The following ZFYVE28 variants were observed in gnomAD, a reference collection of about 807,000 sequenced individuals.
ZFYVE28 encodes the protein lateral signaling target protein 2 homolog.
ZFYVE28 carries 40 observed loss-of-function variants against 82.1 expected under a neutral mutation model. That is an observed-to-expected ratio of 0.49 (90% CI 0.38 to 0.63). ZFYVE28 has a LOEUF of 0.63. Ranked by LOEUF, ZFYVE28 falls within the 30% of genes least tolerant of loss-of-function variation. The pLI is 0.00. For missense variants in ZFYVE28, 1,321 were observed against 1,242.1 expected (o/e 1.06, Z -0.96); for synonymous variants, 612 against 546.1 (o/e 1.12, Z -1.68).
rs767692673 is a variant in ZFYVE28, at chr4:2,394,046, G to C, written c.39+24239C>G. ...TTTCCAGCTTGCACAGCTACTTCCC[G>C]ACGCACGGCCGCCTCCCGGACCTTC... On this transcript the variant is annotated intron_variant, in intron 1 of 12. Transcript: ENST00000290974. This position sits in a 1 kb window ranked among gnomAD's most constrained non-coding sequence, Gnocchi z 4.0. Among the ~76,000 whole-genome samples the C allele has an allele frequency of 9.9e-5, 15 of 152,206 alleles. No individual in the cohort carries two copies. Among genetic ancestry groups the C allele is most frequent in the South Asian group, 6.2e-4 (3 of 4,816 alleles).
intron 8 of ZFYVE28, chr4:2,285,632 T>A (rs1469631199): frequency 1.3e-5 from 2 of 152,288 alleles, no homozygotes; most frequent in African/African-American, 4.8e-5. Flanking sequence ...AGCCCCTGGG[T>A]TGAGCACAGG....
Position 2,358,296 on chromosome 4 carries a change from C to T in ZFYVE28, c.40-4223G>A, listed in dbSNP as rs184846074. On this transcript the variant is annotated intron_variant, in intron 1 of 12. Transcript: ENST00000290974. ...ATATGTGCAGGCATGGATGTGCATG[C>T]GTGTGTGCATGTGAGACCAGTGCAG... is the stretch of plus-strand genomic sequence containing the variant. 1.4e-3 allele frequency among the ~76,000 whole-genome samples: 218 copies of T among 152,266 alleles called. 1 individual carries two copies. Among genetic ancestry groups the T allele is most frequent in the African/African-American group, 4.3e-3 (180 of 41,536 alleles).
In ZFYVE28 at chr4:2,273,273, C is replaced by T. The variant is rs545268974; in HGVS notation, c.2223G>A (p.Leu741=). 8 of 1,612,314 alleles carry T rather than the reference C, an allele frequency of 5.0e-6. No individual in the cohort carries two copies. The South Asian group carries it at 8.8e-5, about 18-fold the overall frequency. The part of the protein sequence containing the change: ...FVCISGVADQ[L]QTNYASDLRS... ...TCAGGTCACTGGCATAGTTCGTCTG[C>T]AGCTGGTCAGCCACACCTGAGGAAG... Residue 741 remains leucine (L), a synonymous_variant, in exon 10 of 13, where the codon CTG becomes CTA. Transcript: ENST00000290974.
intron 1 of ZFYVE28, among the ~76,000 whole-genome samples, chr4:2,359,483 C>T (rs1725813779): frequency 6.6e-6 from 1 of 152,124 alleles, no homozygotes; most frequent in African/African-American, 2.4e-5. Context: ...AGGGCGGGCC[C>T]TAATCCAATA....
At chr4:2,276,454 A>G (rs1736454954) in intron 8 of ZFYVE28, among the ~76,000 whole-genome samples, 1 of 152,060 alleles carries the variant, frequency 6.6e-6, no homozygotes, top group African/African-American at 2.4e-5. Flanking sequence ...TCCACTCGGT[A>G]CCCCCAGCCT....
At chr4:2,384,994 G>A (rs1729102110) in intron 1 of ZFYVE28, among the ~76,000 whole-genome samples, 1 of 152,140 alleles carries the variant, frequency 6.6e-6, no homozygotes. Flanking sequence ...ACACCCTCAA[G>A]GAGTGCAGCA....
intron 1 of ZFYVE28, among the ~76,000 whole-genome samples, chr4:2,377,687 T>C (rs1728304870): frequency 6.6e-6 from 1 of 152,216 alleles, no homozygotes; most frequent in African/African-American, 2.4e-5. Flanking sequence ...CTTTTTCCAT[T>C]TCTCGTAGTT....
At chr4:2,327,887 T>C (rs1720114642) in intron 6 of ZFYVE28, among the ~76,000 whole-genome samples, 1 of 152,214 alleles carries the variant, frequency 6.6e-6, no homozygotes, top group South Asian at 2.1e-4. Context: ...CTGAATATCT[T>C]TTATCAAGAA....
intron 6 of ZFYVE28, chr4:2,330,859 G>A (rs977774032): frequency 1.4e-5 from 22 of 1,535,090 alleles, no homozygotes; most frequent in Non-Finnish European, 1.9e-5. Flanking sequence ...GGGGAGAGAG[G>A]ACTGGTGTGG....
In ZFYVE28 at chr4:2,339,310, C is replaced by A. The variant is rs1455676238; in HGVS notation, c.521+143G>T. 3 of 890,532 alleles carry A rather than the reference C, an allele frequency of 3.4e-6. No homozygotes were observed. The highest frequency in any genetic ancestry group is 2.4e-5 in the Admixed American group (1 of 40,954). The allele number at this position is 890,532 out of a possible 1,614,324, so 55.2% of individuals were successfully genotyped here. The stretch of plus-strand genomic sequence containing the variant: ...CCACGCTATGCTCTCCAGGGCTTAA[C>A]CCCACCCACAGGCGGCCCTGAACCT... On this transcript the variant is annotated intron_variant, in intron 4 of 12. Coordinates refer to ENST00000290974, the MANE Select transcript of ZFYVE28 (RefSeq NM_020972.3). The surrounding 1 kb of genome is among the most constrained non-coding windows in gnomAD (Gnocchi z 5.0).
intron 1 of ZFYVE28, among the ~76,000 whole-genome samples, chr4:2,389,436 A>T (rs1438338831): frequency 6.6e-6 from 1 of 152,140 alleles, no homozygotes; most frequent in Admixed American, 6.5e-5. Flanking sequence ...TGTCCACCAC[A>T]TGAGGAGGCT....
intron 1 of ZFYVE28, among the ~76,000 whole-genome samples, chr4:2,380,774 T>C (rs1346652273): frequency 1.3e-5 from 2 of 152,220 alleles, no homozygotes; most frequent in Admixed American, 6.5e-5. Flanking sequence ...TCCTCATTTT[T>C]CTCTTGCCAC....
At chr4:2,397,600 G>T (rs1028599009) in intron 1 of ZFYVE28, among the ~76,000 whole-genome samples, 3 of 151,728 alleles carry the variant, frequency 2.0e-5, no homozygotes, top group Admixed American at 6.6e-5. Context: ...CCCTCCCCTG[G>T]CCCCCACCAG....
chr4:2,350,539 C>T lies in ZFYVE28; in HGVS notation c.180+3394G>A, dbSNP rs536451483. ...GGTCATCTTCCCATTTCCTGACATA[C>T]AGCTCCTAAAAAGCCTTGGACTCTC... On this transcript the variant is annotated intron_variant, in intron 2 of 12. Coordinates refer to ENST00000290974, the MANE Select transcript of ZFYVE28 (RefSeq NM_020972.3). Among the ~76,000 whole-genome samples, 51 of 152,192 alleles carry T rather than the reference C, an allele frequency of 3.4e-4. No homozygotes were observed. The South Asian group carries it at 0.011, about 32-fold the overall frequency.
rs537053824 is a variant in ZFYVE28, at chr4:2,412,846, G to C, written c.39+5439C>G. Among the ~76,000 whole-genome samples the C allele has an allele frequency of 7.9e-5, 12 of 152,272 alleles. No homozygotes were observed. The East Asian group carries it at 2.3e-3, about 29-fold the overall frequency. On this transcript the variant is annotated intron_variant, in intron 1 of 12. Coordinates refer to ENST00000290974, the MANE Select transcript of ZFYVE28 (RefSeq NM_020972.3). ...TTAAATTAGCCATCTCTCCTCTTAA[G>C]GTCGAACAAAATGACCTAAAGACAC...
rs1236547916 is a variant in ZFYVE28 at position 2,416,904 on chromosome 4, G to A, written c.39+1381C>T. On this transcript the variant is annotated intron_variant, in intron 1 of 12. Transcript: ENST00000290974. The surrounding 1 kb of genome is among the most constrained non-coding windows in gnomAD (Gnocchi z 4.6). ...CCGGCAACGACAAACAGAATTCCCC[G>A]ACCTCAAAGGCCGTGAAGCACGCGC... is the stretch of plus-strand genomic sequence containing the variant. Among the ~76,000 whole-genome samples, 3 of 151,494 alleles carry A rather than the reference G, an allele frequency of 2.0e-5. No individual in the cohort carries two copies. Among genetic ancestry groups the A allele is most frequent in the East Asian group, 1.9e-4 (1 of 5,144 alleles).
At chr4:2,283,068 G>A (rs1577888105) in intron 8 of ZFYVE28, among the ~76,000 whole-genome samples, 2 of 148,412 alleles carry the variant, frequency 1.3e-5, no homozygotes, top group African/African-American at 2.6e-5. Context: ...GGGCCCTGAC[G>A]CAAATGGTGG....
In ZFYVE28 at chr4:2,416,917, G is replaced by GTGAAGCACGCGCCCTTCGGGGCCC. The variant is rs1733109077; in HGVS notation, c.39+1344_39+1367dup. Among the ~76,000 whole-genome samples the GTGAAGCACGCGCCCTTCGGGGCCC allele has an allele frequency of 6.6e-6, 1 of 152,144 alleles. No homozygotes were observed. Among genetic ancestry groups the GTGAAGCACGCGCCCTTCGGGGCCC allele is most frequent in the Non-Finnish European group, 1.5e-5 (1 of 68,022 alleles). On this transcript the variant is annotated intron_variant, in intron 1 of 12. Transcript: ENST00000290974. This position sits in a 1 kb window ranked among gnomAD's most constrained non-coding sequence, Gnocchi z 4.6. ...ACAGAATTCCCCGACCTCAAAGGCCGTGAAGCACGCGCCCTTCGGGGCCCT... is the reference window on the plus strand; with the variant it reads ...ACAGAATTCCCCGACCTCAAAGGCCGTGAAGCACGCGCCCTTCGGGGCCCTGAAGCACGCGCCCTTCGGGGCCCT...
At chr4:2,403,970 G>A (rs1257024920) in intron 1 of ZFYVE28, among the ~76,000 whole-genome samples, 4 of 38,616 alleles carry the variant, frequency 1.0e-4, no homozygotes, top group African/African-American at 4.5e-4. Flanking sequence ...ACTCCATTTC[G>A]GAAAAAAAAA....
Sources: allele counts gnomAD v4.1 joint callset (sites outside exome capture counted in the v4.1 genomes callset), GRCh38; gene constraint gnomAD v4.1.1; non-coding constraint Gnocchi (gnomAD v3.1); transcripts MANE v1.5; gene names NCBI Gene and HGNC (gene_info 2026-07-23, HGNC 2026-07-21).